The following SLC35D4 variants were observed in gnomAD, a reference collection of about 807,000 sequenced individuals.
The protein encoded by SLC35D4 is UDP-N-acetylglucosamine transporter SLC35D4.
At chr18:23,271,244 TC>T in the SLC35D4 span, among the ~76,000 whole-genome samples, 1 of 152,220 alleles carries the variant, frequency 6.6e-6, no homozygotes, top group African/African-American at 2.4e-5. Context: ...TCCTTTGCCT[TC>T]CACCATGATT....
chr18:23,344,729 A>G, the SLC35D4 span, among the ~76,000 whole-genome samples: 8 of 151,424 alleles, frequency 5.3e-5, no homozygotes, highest in Non-Finnish European at 1.2e-4. Flanking sequence ...AGGCTCCCGA[A>G]TAGCTGGGAC....
At chr18:23,376,309 C>T in the SLC35D4 span, among the ~76,000 whole-genome samples, 1 of 152,312 alleles carries the variant, frequency 6.6e-6, no homozygotes, top group East Asian at 1.9e-4. Flanking sequence ...CTGCTGTAAC[C>T]ATGTGTAGAT....
the SLC35D4 span, among the ~76,000 whole-genome samples, chr18:23,364,786 C>T: frequency 2.6e-5 from 4 of 151,270 alleles, no homozygotes. Flanking sequence ...CGCCATAGTC[C>T]CAGCCACTCG....
the SLC35D4 span, among the ~76,000 whole-genome samples, chr18:23,363,664 A>C: frequency 6.6e-6 from 1 of 152,084 alleles, no homozygotes; most frequent in Non-Finnish European, 1.5e-5. Flanking sequence ...GTGAGTCACC[A>C]CGCCCGGCTG....
chr18:23,313,990 A>T, the SLC35D4 span, among the ~76,000 whole-genome samples: 1 of 152,306 alleles, frequency 6.6e-6, no homozygotes, highest in South Asian at 2.1e-4. Flanking sequence ...CAGAACTAGG[A>T]CTAATAATCC....
chr18:23,320,869 G>A, the SLC35D4 span, among the ~76,000 whole-genome samples: 18 of 152,198 alleles, frequency 1.2e-4, no homozygotes, highest in South Asian at 3.5e-3. Context: ...CTGTCTTTAG[G>A]GGAAGACTTG....
the SLC35D4 span, among the ~76,000 whole-genome samples, chr18:23,265,223 A>T: frequency 3.5e-3 from 538 of 152,280 alleles, 4 homozygotes; most frequent in African/African-American, 0.012. Flanking sequence ...ACCAGAAATG[A>T]GAGAGCAGGA....
chr18:23,431,153 C>CAAAAAAAA, the SLC35D4 span, among the ~76,000 whole-genome samples: 3 of 66,246 alleles, frequency 4.5e-5, no homozygotes, highest in African/African-American at 6.3e-5. Context: ...GAGTATATCT[C>CAAAAAAAA]AAAAAAAAAA....
At chr18:23,287,551 A>G in the SLC35D4 span, among the ~76,000 whole-genome samples, 1 of 152,082 alleles carries the variant, frequency 6.6e-6, no homozygotes, top group Non-Finnish European at 1.5e-5. Context: ...CCAAACCCCA[A>G]TCCCTTCCAA....
the SLC35D4 span, among the ~76,000 whole-genome samples, chr18:23,307,856 A>G: frequency 6.6e-6 from 1 of 152,122 alleles, no homozygotes; most frequent in Admixed American, 6.5e-5. Context: ...CCCCACAGCC[A>G]TGCCCCTGCC....
At chr18:23,433,985 ATAG>A in the SLC35D4 span, among the ~76,000 whole-genome samples, 1 of 152,182 alleles carries the variant, frequency 6.6e-6, no homozygotes, top group Non-Finnish European at 1.5e-5. Flanking sequence ...GGATATGCTC[ATAG>A]TAGAATGAAT....
chr18:23,251,383 G>A, the SLC35D4 span, among the ~76,000 whole-genome samples: 7 of 152,252 alleles, frequency 4.6e-5, no homozygotes, highest in South Asian at 2.1e-4. Context: ...CCCAAGAGGC[G>A]GAGGTTGCAG....
the SLC35D4 span, among the ~76,000 whole-genome samples, chr18:23,352,479 A>G: frequency 1.8e-4 from 28 of 152,280 alleles, no homozygotes; most frequent in African/African-American, 6.5e-4. Context: ...CTGCTTTTCT[A>G]AGGAGCTATG....
chr18:23,413,107 A>C, the SLC35D4 span, among the ~76,000 whole-genome samples: 1 of 152,260 alleles, frequency 6.6e-6, no homozygotes, highest in South Asian at 2.1e-4. Flanking sequence ...GGGCTCAAGC[A>C]ATCTTCCTGC....
the SLC35D4 span, among the ~76,000 whole-genome samples, chr18:23,294,405 G>T: frequency 5.9e-5 from 9 of 152,286 alleles, no homozygotes; most frequent in East Asian, 1.7e-3. Context: ...CGCTGAGCAC[G>T]TGAATTTGGG....
chr18:23,271,517 C>A, the SLC35D4 span, among the ~76,000 whole-genome samples: 1 of 152,136 alleles, frequency 6.6e-6, no homozygotes, highest in East Asian at 1.9e-4. Flanking sequence ...TAGCTTTGGT[C>A]TTTATCCCTG....
At chr18:23,281,761 G>A in the SLC35D4 span, among the ~76,000 whole-genome samples, 1 of 152,216 alleles carries the variant, frequency 6.6e-6, no homozygotes, top group Non-Finnish European at 1.5e-5. Flanking sequence ...GAACCAGAGA[G>A]ATTTTGCCTC....
At chr18:23,306,457 C>T in the SLC35D4 span, among the ~76,000 whole-genome samples, 2 of 152,062 alleles carry the variant, frequency 1.3e-5, no homozygotes, top group South Asian at 4.1e-4. Context: ...CAGGCATGCG[C>T]CATCACACCT....
At chr18:23,370,108 G>C in the SLC35D4 span, 1 of 869,592 alleles carries the variant, frequency 1.1e-6, no homozygotes, top group Non-Finnish European at 1.7e-6. Flanking sequence ...GAACCCGGGG[G>C]GTGGAGGGTG....
Sources: allele counts gnomAD v4.1 joint callset (sites outside exome capture counted in the v4.1 genomes callset), GRCh38; gene constraint gnomAD v4.1.1; transcripts MANE v1.5; gene names NCBI Gene and HGNC (gene_info 2026-07-23, HGNC 2026-07-21).